Variants in CDC25A observed in about 807,000 individuals in gnomAD.
CDC25A encodes M-phase inducer phosphatase 1.
Under a neutral mutation model 64.6 loss-of-function variants are expected in CDC25A, and 17 were observed. The observed-to-expected ratio is 0.26, with a 90% CI of 0.18 to 0.39. The LOEUF (loss-of-function observed/expected upper bound fraction) is 0.39. CDC25A is among the 10% of genes least tolerant of loss of function. The pLI, the probability that CDC25A is intolerant of heterozygous loss-of-function variation, is 1.00. For synonymous variants in CDC25A, 229 were observed against 238.6 expected, an observed-to-expected ratio of 0.96 and a Z score of 0.37; for missense variants, 473 against 654.8, an observed-to-expected ratio of 0.72 and a Z score of 3.03.
rs1437037425 is a variant in CDC25A, at chr3:48,180,814, T to C, written c.456A>G (p.Val152=). The C allele has an allele frequency of 6.2e-7, 1 of 1,613,996 alleles. No individual in the cohort carries two copies. The highest frequency in any genetic ancestry group is 1.3e-5 in the African/African-American group (1 of 74,922). ...GCAGGCAGCCACGAGATACAGGTCT[T>C]ACTGGCTTCTTAAACTCAAAGGCTT... ...ENEAFEFKKP[V]RPVSRGCLHS... The change falls in exon 6 of 15, where the codon GTA becomes GTG. Residue 152 remains valine, a synonymous_variant. Coordinates refer to ENST00000302506, the MANE Select transcript of CDC25A (RefSeq NM_001789.3).
intron 9 of CDC25A, among the ~76,000 whole-genome samples, chr3:48,168,489 C>T (rs1215676327): frequency 1.3e-5 from 2 of 150,832 alleles, no homozygotes; most frequent in African/African-American, 2.4e-5. Context: ...CTGGGGAGGT[C>T]GAGGCTACAG....
chr3:48,181,677 T>C (rs1421578253), intron 5 of CDC25A: 10 of 1,058,232 alleles, frequency 9.4e-6, no homozygotes, highest in Non-Finnish European at 1.5e-5. Flanking sequence ...AACAAGAGCA[T>C]GTTATTTAAA....
chr3:48,173,140 C>T (rs1384834984), intron 9 of CDC25A, among the ~76,000 whole-genome samples: 1 of 150,710 alleles, frequency 6.6e-6, no homozygotes, highest in Non-Finnish European at 1.5e-5. Flanking sequence ...ATGGCATGAA[C>T]CCGGGAGGCA....
intron 8 of CDC25A, among the ~76,000 whole-genome samples, chr3:48,176,220 C>T (rs1327778625): frequency 6.6e-6 from 1 of 152,022 alleles, no homozygotes; most frequent in Non-Finnish European, 1.5e-5. Flanking sequence ...CTCATTTGTT[C>T]TGTAATTATA....
intron 4 of CDC25A, 144 bp from the exon 5 acceptor site, chr3:48,183,174 C>T (rs914945775): frequency 6.5e-6 from 4 of 613,754 alleles, no homozygotes; most frequent in African/African-American, 5.5e-5. Context: ...GTAAATGTGG[C>T]CAGGAATCCA....
In CDC25A at chr3:48,167,871, C is replaced by T. The variant is rs1371823897; in HGVS notation, c.1004G>A (p.Arg335Lys). ...TIENILDNDP[R>K]DLIGDFSKGY... ...CTTGGAGAAGTCTCCTATAAGGTCC[C>T]TTGGGTCATTGTCCAAAATGTTCTC... is the stretch of plus-strand genomic sequence containing the variant. Residue 335 changes from arginine to lysine, a missense_variant, in exon 10 of 15, where the codon AGG becomes AAG. Around this residue, in one of 2 missense-constraint regions of CDC25A, gnomAD observed 376 missense variants for 431.9 expected, o/e 0.87. Transcript: ENST00000302506. The T allele has an allele frequency of 6.2e-7, 1 of 1,604,814 alleles. No homozygotes were observed. Among genetic ancestry groups the T allele is most frequent in the Non-Finnish European group, 8.5e-7 (1 of 1,171,612 alleles).
intron 1 of CDC25A, among the ~76,000 whole-genome samples, chr3:48,187,156 G>A (rs75151987): frequency 7.9e-4 from 120 of 152,340 alleles, no homozygotes; most frequent in Non-Finnish European, 1.3e-3. Flanking sequence ...CAAACGGGAT[G>A]CCAGAGATTG....
chr3:48,159,339 C>T lies in CDC25A; in HGVS notation c.1434+5G>A. Reference sequence around the variant, plus strand: ...GAGAGATGCTCTCCACAACCCCAGTCTTACCTGGCATTTCATAAAGAACTC... The same window carrying T: ...GAGAGATGCTCTCCACAACCCCAGTTTTACCTGGCATTTCATAAAGAACTC... On this transcript the variant is annotated splice_donor_5th_base_variant and intron_variant, in intron 14 of 14. Coordinates refer to ENST00000302506, the MANE Select transcript of CDC25A (RefSeq NM_001789.3). 2 of 1,598,322 alleles carry T rather than the reference C, an allele frequency of 1.3e-6. No homozygotes were observed. Among genetic ancestry groups the T allele is most frequent in the South Asian group, 2.2e-5 (2 of 90,756 alleles).
chr3:48,161,750 A>T (rs952402795), intron 13 of CDC25A, among the ~76,000 whole-genome samples: 2 of 152,068 alleles, frequency 1.3e-5, no homozygotes, highest in Non-Finnish European at 2.9e-5. Flanking sequence ...TGTGGGTTTA[A>T]AAACAATTTA....
At position 48,159,459 on chromosome 3, in the gene CDC25A, G is replaced by T. The variant is rs1029540792; in HGVS notation, c.1323-4C>A. On this transcript the variant is annotated splice_region_variant and splice_polypyrimidine_tract_variant and intron_variant, in intron 13 of 14. Coordinates refer to ENST00000302506, the MANE Select transcript of CDC25A (RefSeq NM_001789.3). ...TCTCTCTCTCACATACCGGCACCTA[G>T]TCAGGGGAAGGAAGGCCAAAGCAGG... 1.2e-6 allele frequency: 2 copies of T among 1,606,794 alleles called. No homozygotes were observed. Among genetic ancestry groups the T allele is most frequent in the Non-Finnish European group, 1.7e-6 (2 of 1,173,518 alleles).
Position 48,182,945 on chromosome 3 carries a change from T to G in CDC25A, c.413A>C (p.Asp138Ala). 6.2e-7 allele frequency: 1 copy of G among 1,611,314 alleles called. No homozygotes were observed. The highest frequency in any genetic ancestry group is 8.5e-7 in the Non-Finnish European group (1 of 1,177,464). The change falls in exon 5 of 15, where the codon GAT becomes GCT. Residue 138 changes from aspartate to alanine, a missense_variant. Around this residue, in one of 2 missense-constraint regions of CDC25A, gnomAD observed 376 missense variants for 431.9 expected, o/e 0.87. Transcript: ENST00000302506. The part of the protein sequence containing the change: ...DHDIFQLIDP[D>A]ENKENEAFEF... ...CACACTCACATTTTCCTTGTTCTCA[T>G]CTGGGTCGATGAGCTGAAAGATGTC...
At chr3:48,164,883 G>A (rs542569078) in intron 12 of CDC25A, among the ~76,000 whole-genome samples, 8 of 151,700 alleles carry the variant, frequency 5.3e-5, no homozygotes, top group African/African-American at 9.7e-5. Context: ...TGAGGCGGGC[G>A]GTTTGCCTGA....
intron 13 of CDC25A, among the ~76,000 whole-genome samples, chr3:48,162,905 AC>A: frequency 6.6e-6 from 1 of 152,012 alleles, no homozygotes; most frequent in South Asian, 2.1e-4. Context: ...CAATCCTAGC[AC>A]TTTGGAGGCC....
chr3:48,183,348 C>G (rs2032733520), intron 4 of CDC25A, among the ~76,000 whole-genome samples: 1 of 152,210 alleles, frequency 6.6e-6, no homozygotes, highest in African/African-American at 2.4e-5. Flanking sequence ...TAATAAAGCT[C>G]TGTTAGAGAT....
chr3:48,173,265 T>C (rs2032335951), intron 9 of CDC25A, among the ~76,000 whole-genome samples: 1 of 148,282 alleles, frequency 6.7e-6, no homozygotes, highest in South Asian at 2.1e-4. Context: ...TAATAGGCCA[T>C]GATAGGTCTG....
chr3:48,178,537 G>A (rs1226077881), intron 6 of CDC25A, among the ~76,000 whole-genome samples: 1 of 152,164 alleles, frequency 6.6e-6, no homozygotes, highest in Non-Finnish European at 1.5e-5. Flanking sequence ...CAGATACTAC[G>A]ATATAATCTT....
chr3:48,175,509 T>TGGGGAC (rs2032423644), intron 8 of CDC25A, among the ~76,000 whole-genome samples: 3 of 152,304 alleles, frequency 2.0e-5, no homozygotes, highest in African/African-American at 7.2e-5. Context: ...ATGTCACTTC[T>TGGGGAC]TTGAAATCTT....
At chr3:48,166,788 C>G (rs2032043354) in intron 10 of CDC25A, among the ~76,000 whole-genome samples, 1 of 152,156 alleles carries the variant, frequency 6.6e-6, no homozygotes, top group Non-Finnish European at 1.5e-5. Context: ...CCTGTAGTCC[C>G]AGCTACTTGG....
At chr3:48,175,634 GT>G (rs1315545586) in intron 8 of CDC25A, among the ~76,000 whole-genome samples, 2 of 152,086 alleles carry the variant, frequency 1.3e-5, no homozygotes, top group Non-Finnish European at 2.9e-5. Context: ...GCAATGGTTA[GT>G]TTGTAATAAC....
Sources: allele counts gnomAD v4.1 joint callset (sites outside exome capture counted in the v4.1 genomes callset), GRCh38; gene constraint gnomAD v4.1.1; regional missense constraint gnomAD v4.1.1; transcripts MANE v1.5; gene names NCBI Gene and HGNC (gene_info 2026-07-23, HGNC 2026-07-21).